AGBL4: variants seen among roughly 807,000 people sequenced by gnomAD.
AGBL4 encodes the protein cytosolic carboxypeptidase 6.
AGBL4 carries 58 observed loss-of-function variants against 66.4 expected under a neutral mutation model. That is an observed-to-expected ratio of 0.87 (90% CI 0.71 to 1.09). The LOEUF (loss-of-function observed/expected upper bound fraction) is 1.09. AGBL4 is among the 50% of genes least tolerant of loss of function. The pLI is 0.00. For missense variants in AGBL4, 579 were observed against 631.0 expected, an observed-to-expected ratio of 0.92 and a Z score of 0.88; for synonymous variants, 234 against 222.9, an observed-to-expected ratio of 1.05 and a Z score of -0.44.
intron 2 of AGBL4, chr1:49,845,600 A>T (rs1397618512): frequency 6.2e-7 from 1 of 1,607,742 alleles, no homozygotes; most frequent in Non-Finnish European, 8.5e-7. Context: ...GAGTGTGGAA[A>T]AGCCTTCACC....
At chr1:48,783,722 CCT>C (rs987890267) in intron 6 of AGBL4, among the ~76,000 whole-genome samples, 3 of 152,126 alleles carry the variant, frequency 2.0e-5, no homozygotes, top group African/African-American at 7.2e-5. Context: ...GGTCCTATCC[CCT>C]GAGACCCTGA....
intron 3 of AGBL4, among the ~76,000 whole-genome samples, chr1:49,254,510 T>G (rs2148344299): frequency 1.3e-5 from 2 of 152,098 alleles, no homozygotes; most frequent in Middle Eastern, 6.8e-3. Flanking sequence ...CAAAGAAATA[T>G]AAAATGACAT....
chr1:50,022,860 C>T (rs1442826219), intron 1 of AGBL4, among the ~76,000 whole-genome samples: 3 of 152,176 alleles, frequency 2.0e-5, no homozygotes, highest in Non-Finnish European at 4.4e-5. Context: ...AAACTCCCTC[C>T]CACATACTCA....
intron 6 of AGBL4, among the ~76,000 whole-genome samples, chr1:48,801,982 A>G (rs1645820956): frequency 6.6e-6 from 1 of 151,404 alleles, no homozygotes; most frequent in Non-Finnish European, 1.5e-5. Context: ...ACTTTCTAAC[A>G]TCGTCTTCCC....
chr1:48,558,219 G>A (rs1223412802), intron 11 of AGBL4, among the ~76,000 whole-genome samples: 2 of 152,092 alleles, frequency 1.3e-5, no homozygotes, highest in African/African-American at 2.4e-5. Context: ...ACGCATCCTC[G>A]CTTTAAGTAC....
chr1:48,709,838 G>A (rs1264293739), intron 6 of AGBL4, among the ~76,000 whole-genome samples: 1 of 151,948 alleles, frequency 6.6e-6, no homozygotes, highest in Non-Finnish European at 1.5e-5. Context: ...TCCTGACCTC[G>A]TGATCCACCC....
At chr1:49,129,465 C>A (rs1645839857) in intron 4 of AGBL4, among the ~76,000 whole-genome samples, 1 of 149,854 alleles carries the variant, frequency 6.7e-6, no homozygotes, top group Non-Finnish European at 1.5e-5. Flanking sequence ...CCTCCCACCT[C>A]CCCCAACCCC....
At chr1:48,668,325 C>A (rs1646222471) in intron 6 of AGBL4, among the ~76,000 whole-genome samples, 1 of 152,158 alleles carries the variant, frequency 6.6e-6, no homozygotes, top group Admixed American at 6.5e-5. Flanking sequence ...TGCCTGGATA[C>A]CAAAATGGTC....
At chr1:49,264,425 A>T (rs1653528244) in intron 3 of AGBL4, among the ~76,000 whole-genome samples, 1 of 152,140 alleles carries the variant, frequency 6.6e-6, no homozygotes. Flanking sequence ...TGAATAAGTC[A>T]TTCCTTTCTA....
At chr1:49,095,395 G>T (rs555981565) in intron 4 of AGBL4, among the ~76,000 whole-genome samples, 1 of 152,138 alleles carries the variant, frequency 6.6e-6, no homozygotes, top group African/African-American at 2.4e-5. Flanking sequence ...TAAGCCAAAA[G>T]AACAAAGCTG....
chr1:49,062,691 T>C (rs1289079804), intron 4 of AGBL4, among the ~76,000 whole-genome samples: 1 of 152,150 alleles, frequency 6.6e-6, no homozygotes, highest in Non-Finnish European at 1.5e-5. Flanking sequence ...TGACATCTTA[T>C]ACACAAAGGC....
At chr1:49,497,838 G>C (rs768934705) in intron 3 of AGBL4, among the ~76,000 whole-genome samples, 5 of 151,796 alleles carry the variant, frequency 3.3e-5, no homozygotes, top group Admixed American at 3.3e-4. Flanking sequence ...TTTGCTCAAG[G>C]TTGTTTTGGC....
At chr1:49,273,411 A>G (rs1557791226) in intron 3 of AGBL4, among the ~76,000 whole-genome samples, 2 of 151,200 alleles carry the variant, frequency 1.3e-5, no homozygotes, top group East Asian at 3.9e-4. Context: ...GTTAAAAAAT[A>G]ATTTTGTCTA....
chr1:48,597,811 G>A (rs1645017409), intron 9 of AGBL4, among the ~76,000 whole-genome samples: 1 of 136,958 alleles, frequency 7.3e-6, no homozygotes, highest in Non-Finnish European at 1.6e-5. Context: ...GAGAAAGAAA[G>A]AGAGAGAAAG....
chr1:49,940,146 T>A lies in AGBL4; in HGVS notation c.34+83617A>T, dbSNP rs868483550. Among the ~76,000 whole-genome samples the A allele has an allele frequency of 2.9e-3, 444 of 152,116 alleles. 3 individuals carry two copies. Among genetic ancestry groups the A allele is most frequent in the South Asian group, 1.0e-2 (48 of 4,816 alleles). On this transcript the variant is annotated intron_variant, in intron 1 of 13. Transcript: ENST00000371839. ...TCAGAGAAATGCAAATCAAAACCAC[T>A]ATGAGATACCATCTCACACCAGTTA...
At chr1:48,683,075 G>A (rs1302852633) in intron 6 of AGBL4, among the ~76,000 whole-genome samples, 1 of 152,308 alleles carries the variant, frequency 6.6e-6, no homozygotes, top group East Asian at 1.9e-4. Flanking sequence ...CCAAGTCATA[G>A]CTCTGCCATT....
chr1:49,377,420 C>T (rs1337233070), intron 3 of AGBL4, among the ~76,000 whole-genome samples: 1 of 152,050 alleles, frequency 6.6e-6, no homozygotes, highest in African/African-American at 2.4e-5. Flanking sequence ...TTCATGGACA[C>T]CCAGCTAGTA....
At chr1:49,027,838 G>A (rs1427238472) in intron 5 of AGBL4, among the ~76,000 whole-genome samples, 1 of 152,164 alleles carries the variant, frequency 6.6e-6, no homozygotes, top group Non-Finnish European at 1.5e-5. Flanking sequence ...CTAATTTGCA[G>A]GACAGAGGTT....
chr1:48,523,092 A>G, the AGBL4 span, among the ~76,000 whole-genome samples: 3 of 152,116 alleles, frequency 2.0e-5, no homozygotes, highest in African/African-American at 7.2e-5. Context: ...GCCCTTAGTG[A>G]TCACCTACTT....
Sources: allele counts gnomAD v4.1 joint callset (sites outside exome capture counted in the v4.1 genomes callset), GRCh38; gene constraint gnomAD v4.1.1; transcripts MANE v1.5; gene names NCBI Gene and HGNC (gene_info 2026-07-23, HGNC 2026-07-21).